ANTXR1: variants seen among roughly 807,000 people sequenced by gnomAD.
ANTXR1 encodes anthrax toxin receptor 1.
A neutral mutation model predicts 78.1 loss-of-function variants in ANTXR1; 19 were observed. The observed-to-expected ratio is 0.24, with a 90% CI of 0.17 to 0.36. The LOEUF (loss-of-function observed/expected upper bound fraction) is 0.36. Ranked by LOEUF, ANTXR1 falls within the 10% of genes least tolerant of loss-of-function variation. The pLI, the probability that ANTXR1 is intolerant of heterozygous loss-of-function variation, is 1.00. For missense variants in ANTXR1, 518 were observed against 718.6 expected (o/e 0.72, Z 3.19); for synonymous variants, 273 against 260.5 (o/e 1.05, Z -0.46).
intron 1 of ANTXR1, among the ~76,000 whole-genome samples, chr2:69,028,500 A>G (rs933225206): frequency 2.0e-5 from 3 of 152,162 alleles, no homozygotes; most frequent in Non-Finnish European, 2.9e-5. Context: ...TTACACATGA[A>G]AAAAAATAAA....
chr2:69,158,136 C>T (rs561589639), intron 13 of ANTXR1, among the ~76,000 whole-genome samples: 1 of 152,282 alleles, frequency 6.6e-6, no homozygotes, highest in East Asian at 1.9e-4. Context: ...GGCTGTAGGT[C>T]CCCAGAGCAT....
At chr2:69,235,771 A>G (rs2104526531) in intron 17 of ANTXR1, among the ~76,000 whole-genome samples, 1 of 143,704 alleles carries the variant, frequency 7.0e-6, no homozygotes, top group South Asian at 2.2e-4. Context: ...AAAAATCACA[A>G]ACCAAAAAAA....
intron 3 of ANTXR1, among the ~76,000 whole-genome samples, chr2:69,066,763 A>G (rs1670411900): frequency 6.6e-6 from 1 of 152,220 alleles, no homozygotes; most frequent in African/African-American, 2.4e-5. Context: ...CTTGAGGTCA[A>G]TCATTAAGTG....
At chr2:69,177,872 CCA>C (rs1374297939) in intron 14 of ANTXR1, among the ~76,000 whole-genome samples, 2 of 152,184 alleles carry the variant, frequency 1.3e-5, no homozygotes, top group African/African-American at 4.8e-5. Context: ...TAGCTCTGCC[CCA>C]CTCTGTTCTG....
chr2:69,096,530 T>A (rs1468555302), intron 9 of ANTXR1, among the ~76,000 whole-genome samples: 3 of 150,420 alleles, frequency 2.0e-5, no homozygotes, highest in African/African-American at 7.3e-5. Context: ...AAGGAAGGAA[T>A]CCAATCACTG....
Position 69,020,167 on chromosome 2 carries a change from CAATAAT to C in ANTXR1, c.152+6520_152+6525del, listed in dbSNP as rs568267480. Among the ~76,000 whole-genome samples the C allele has an allele frequency of 6.8e-3, 1,033 of 152,218 alleles. 5 individuals carry two copies. Among genetic ancestry groups the C allele is most frequent in the South Asian group, 0.025 (121 of 4,814 alleles). On this transcript the variant is annotated intron_variant, in intron 1 of 17. Coordinates refer to ENST00000303714, the MANE Select transcript of ANTXR1 (RefSeq NM_032208.3). ...TGAGGAATTGCCACACTATCTTTTA[CAATAAT>C]AATTTTAAAGGGCATCAGAAAAATA...
intron 16 of ANTXR1, among the ~76,000 whole-genome samples, chr2:69,189,185 C>T (rs1213632321): frequency 6.6e-6 from 1 of 152,148 alleles, no homozygotes. Flanking sequence ...ATTTGTGGGA[C>T]AATCAGAACT....
chr2:69,209,553 T>C (rs1674988239), intron 17 of ANTXR1, among the ~76,000 whole-genome samples: 1 of 152,274 alleles, frequency 6.6e-6, no homozygotes, highest in Admixed American at 6.5e-5. Context: ...TTAAGTGCTC[T>C]ACTAAGAATC....
intron 14 of ANTXR1, among the ~76,000 whole-genome samples, chr2:69,180,117 G>A (rs923442309): frequency 1.3e-5 from 2 of 152,248 alleles, no homozygotes; most frequent in Non-Finnish European, 2.9e-5. Context: ...ATGTAACTCA[G>A]GGAGTCTTAA....
intron 16 of ANTXR1, among the ~76,000 whole-genome samples, chr2:69,187,986 G>T (rs1042103081): frequency 2.1e-5 from 3 of 141,314 alleles, no homozygotes; most frequent in East Asian, 4.1e-4. Flanking sequence ...CTGTCTTCCA[G>T]CTGGCTAAGG....
intron 12 of ANTXR1, among the ~76,000 whole-genome samples, chr2:69,127,507 G>A (rs1243011707): frequency 6.6e-6 from 1 of 152,106 alleles, no homozygotes; most frequent in African/African-American, 2.4e-5. Context: ...GCAGGGTTGT[G>A]GAAGGACTTT....
chr2:69,053,710 T>C (rs1239522235), intron 3 of ANTXR1, among the ~76,000 whole-genome samples: 1 of 152,150 alleles, frequency 6.6e-6, no homozygotes, highest in East Asian at 1.9e-4. Context: ...AAACAAAGCA[T>C]AACAGAACAA....
At chr2:69,198,426 T>C (rs1464334959) in intron 17 of ANTXR1, among the ~76,000 whole-genome samples, 1 of 152,256 alleles carries the variant, frequency 6.6e-6, no homozygotes, top group Admixed American at 6.5e-5. Flanking sequence ...GTTGGTTTCC[T>C]GTGATCATTT....
At chr2:69,217,766 T>C (rs986827929) in intron 17 of ANTXR1, among the ~76,000 whole-genome samples, 4 of 151,360 alleles carry the variant, frequency 2.6e-5, no homozygotes, top group African/African-American at 9.7e-5. Flanking sequence ...AGGGGACTAT[T>C]CATAGGTACC....
chr2:69,181,743 C>A, intron 14 of ANTXR1, 43 bp from the exon 15 acceptor site: 1 of 1,582,976 alleles, frequency 6.3e-7, no homozygotes, highest in Non-Finnish European at 8.7e-7. Context: ...GTCCACACAG[C>A]AGTGCTGTTT....
At chr2:69,074,550 T>C (rs1194535171) in intron 6 of ANTXR1, among the ~76,000 whole-genome samples, 1 of 152,200 alleles carries the variant, frequency 6.6e-6, no homozygotes, top group East Asian at 1.9e-4. Flanking sequence ...ACTTTTCCCT[T>C]CTTGACAATT....
At chr2:69,178,191 A>G (rs149607999) in intron 14 of ANTXR1, among the ~76,000 whole-genome samples, 2 of 152,272 alleles carry the variant, frequency 1.3e-5, no homozygotes, top group Non-Finnish European at 2.9e-5. Flanking sequence ...TACTCCGTCC[A>G]TTTTTGGCCA....
Position 69,246,653 on chromosome 2 carries a change from G to A in ANTXR1, c.*1168G>A, listed in dbSNP as rs997358744. 6.6e-6 allele frequency: 1 copy of A among 152,124 alleles called. No homozygotes were observed. Among genetic ancestry groups the A allele is most frequent in the Non-Finnish European group, 1.5e-5 (1 of 68,048 alleles). 9.4% of individuals were successfully genotyped at this position (152,124 alleles called of 1,614,324 possible). ...ATAGAACCTCAGCTGTTAACCAAGG[G>A]GAAATACATCAGATCTGCAACACAG... On this transcript the variant is annotated 3_prime_UTR_variant, in exon 18 of 18. Coordinates refer to ENST00000303714, the MANE Select transcript of ANTXR1 (RefSeq NM_032208.3).
chr2:69,040,221 G>T lies in ANTXR1; in HGVS notation c.224+106G>T. The stretch of plus-strand genomic sequence containing the variant: ...ACTACATACTTTGGGGATGTTTTTT[G>T]ACTAAGTTGGGCTCTCAGATCTCGG... On this transcript the variant is annotated intron_variant, in intron 2 of 17. Transcript: ENST00000303714. 5.1e-6 allele frequency: 5 copies of T among 988,768 alleles called. No individual in the cohort carries two copies. The South Asian group carries it at 6.8e-5, about 13-fold the overall frequency. The allele number at this position is 988,768 out of a possible 1,614,324, so 61.2% of individuals were successfully genotyped here.
Sources: allele counts gnomAD v4.1 joint callset (sites outside exome capture counted in the v4.1 genomes callset), GRCh38; gene constraint gnomAD v4.1.1; transcripts MANE v1.5; gene names NCBI Gene and HGNC (gene_info 2026-07-23, HGNC 2026-07-21).